Variants in RNF217 observed in about 807,000 individuals in gnomAD.
The protein encoded by RNF217 is E3 ubiquitin-protein ligase RNF217.
In RNF217, 31 loss-of-function variants were observed where a neutral mutation model predicts 57.8. That is an observed-to-expected ratio of 0.54 (90% CI 0.40 to 0.72). The LOEUF is 0.72. Ranked by LOEUF, RNF217 falls within the 30% of genes least tolerant of loss-of-function variation. The pLI is 0.00. For synonymous variants in RNF217, 313 were observed against 294.0 expected (o/e 1.06, Z -0.66); for missense variants, 696 against 708.3 (o/e 0.98, Z 0.20).
chr6:124,989,725 C>T lies in RNF217; in HGVS notation c.882+26299C>T, dbSNP rs986091673. ...AGAAAGGTAGAAATCATTCACAGGT[C>T]GTAGGCTGTACCAAACAGGCAGCAG... is the stretch of plus-strand genomic sequence containing the variant. On this transcript the variant is annotated intron_variant, in intron 1 of 5. Transcript: ENST00000521654. Among the ~76,000 whole-genome samples the T allele has an allele frequency of 3.3e-5, 5 of 152,010 alleles. No homozygotes were observed. In the East Asian group the frequency reaches 5.8e-4, roughly 18 times the overall value.
At chr6:125,051,250 C>T (rs1053385438) in intron 2 of RNF217, among the ~76,000 whole-genome samples, 8 of 151,860 alleles carry the variant, frequency 5.3e-5, no homozygotes, top group Non-Finnish European at 1.2e-4. Context: ...TTGACCTGCA[C>T]TGGTACTAAG....
chr6:125,079,170 AAGG>A (rs1286557403), intron 4 of RNF217, among the ~76,000 whole-genome samples: 2 of 152,148 alleles, frequency 1.3e-5, no homozygotes, highest in Non-Finnish European at 2.9e-5. Flanking sequence ...ATAAATTATA[AAGG>A]AGAAGAGAGA....
At chr6:125,047,288 G>A (rs1475920701) in intron 2 of RNF217, among the ~76,000 whole-genome samples, 3 of 152,002 alleles carry the variant, frequency 2.0e-5, no homozygotes, top group Non-Finnish European at 4.4e-5. Flanking sequence ...TTTATGAAAT[G>A]GGTAAAGGAG....
chr6:125,053,299 T>C (rs1313253549), intron 2 of RNF217, among the ~76,000 whole-genome samples: 1 of 152,104 alleles, frequency 6.6e-6, no homozygotes, highest in Non-Finnish European at 1.5e-5. Flanking sequence ...TTTTCATTTT[T>C]TTCTGCCTAC....
intron 1 of RNF217, among the ~76,000 whole-genome samples, chr6:125,014,057 G>A (rs1195953371): frequency 1.3e-5 from 2 of 152,132 alleles, no homozygotes; most frequent in Non-Finnish European, 2.9e-5. Context: ...ACTGACTCTG[G>A]ATTTCATTCA....
rs372748228 is a variant in RNF217, at chr6:125,086,368, G to A, written c.*3431G>A. The A allele has an allele frequency of 3.9e-3, 594 of 151,976 alleles. 4 individuals carry two copies. The highest frequency in any genetic ancestry group is 0.014 in the African/African-American group (567 of 41,450). 9.4% of individuals were successfully genotyped at this position (151,976 alleles called of 1,614,324 possible). ...GTGTGTCAGATAATGTGAGAGAGAT[G>A]AATTGACTTTTGGATTGCCTCATTT... On this transcript the variant is annotated 3_prime_UTR_variant, in exon 6 of 6. Coordinates refer to ENST00000521654, the MANE Select transcript of RNF217 (RefSeq NM_001286398.3).
At chr6:125,060,737 G>A (rs1430702450) in intron 3 of RNF217, among the ~76,000 whole-genome samples, 6 of 151,994 alleles carry the variant, frequency 3.9e-5, no homozygotes, top group South Asian at 4.1e-4. Context: ...GAGCCACCAC[G>A]CCAAACCATA....
rs114525335 is a variant in RNF217 at position 125,004,864 on chromosome 6, G to A, written c.883-40347G>A. Among the ~76,000 whole-genome samples the A allele has an allele frequency of 5.3e-4, 80 of 152,264 alleles. 2 individuals carry two copies. The highest frequency in any genetic ancestry group is 1.8e-3 in the African/African-American group (74 of 41,574). ...AATAAAGGCACTTTCTAAAGGCCTT[G>A]TCTTAGTCCATTTTTTGCTGCTATA... is the stretch of plus-strand genomic sequence containing the variant. On this transcript the variant is annotated intron_variant, in intron 1 of 5. Transcript: ENST00000521654.
At chr6:125,066,844 A>T (rs1220672655) in intron 3 of RNF217, among the ~76,000 whole-genome samples, 3 of 152,200 alleles carry the variant, frequency 2.0e-5, no homozygotes, top group Non-Finnish European at 4.4e-5. Flanking sequence ...AAATGAATAT[A>T]CTTTTTCATT....
chr6:125,074,392 G>T (rs1303562859), intron 3 of RNF217, among the ~76,000 whole-genome samples: 1 of 152,082 alleles, frequency 6.6e-6, no homozygotes, highest in Non-Finnish European at 1.5e-5. Flanking sequence ...TATCTTTTAA[G>T]TGACATTTTT....
intron 1 of RNF217, among the ~76,000 whole-genome samples, chr6:125,036,232 C>T (rs1786609677): frequency 6.6e-6 from 1 of 152,066 alleles, no homozygotes; most frequent in African/African-American, 2.4e-5. Context: ...CAGCTTCATC[C>T]ATGTCCCTGC....
At chr6:125,070,078 C>G (rs972215919) in intron 3 of RNF217, among the ~76,000 whole-genome samples, 3 of 152,176 alleles carry the variant, frequency 2.0e-5, no homozygotes, top group Non-Finnish European at 2.9e-5. Flanking sequence ...TAGCTTAGCT[C>G]CCACTTATAA....
chr6:124,997,418 A>G (rs77274874), intron 1 of RNF217, among the ~76,000 whole-genome samples: 1,700 of 151,732 alleles, frequency 0.011, 30 homozygotes, highest in African/African-American at 0.039. Context: ...ACTTAACCAT[A>G]TGCGAAAGTG....
intron 1 of RNF217, among the ~76,000 whole-genome samples, chr6:125,018,036 T>A: frequency 6.6e-6 from 1 of 152,218 alleles, no homozygotes; most frequent in Non-Finnish European, 1.5e-5. Flanking sequence ...GTGTAACAAC[T>A]ATCCATTTCT....
intron 1 of RNF217, among the ~76,000 whole-genome samples, chr6:124,987,002 A>C (rs1784386899): frequency 1.3e-5 from 2 of 152,302 alleles, no homozygotes; most frequent in Middle Eastern, 3.4e-3. Flanking sequence ...TTTCATATTT[A>C]AAACATCTTT....
chr6:125,031,393 C>T (rs1277600418), intron 1 of RNF217, among the ~76,000 whole-genome samples: 1 of 152,176 alleles, frequency 6.6e-6, no homozygotes, highest in East Asian at 1.9e-4. Flanking sequence ...TGTCAGGCTT[C>T]AAATTTTCCA....
At chr6:125,022,020 C>G (rs974062210) in intron 1 of RNF217, among the ~76,000 whole-genome samples, 8 of 152,000 alleles carry the variant, frequency 5.3e-5, no homozygotes, top group Non-Finnish European at 7.4e-5. Context: ...TAGCTGGGAT[C>G]ACAAGCATGC....
At chr6:125,052,113 C>T (rs1787340470) in intron 2 of RNF217, among the ~76,000 whole-genome samples, 1 of 151,780 alleles carries the variant, frequency 6.6e-6, no homozygotes, top group African/African-American at 2.4e-5. Flanking sequence ...ACATGCTGTC[C>T]AAGAAAAGTA....
intron 1 of RNF217, among the ~76,000 whole-genome samples, chr6:124,967,121 A>G (rs1403046896): frequency 1.3e-5 from 2 of 152,178 alleles, no homozygotes; most frequent in African/African-American, 4.8e-5. Flanking sequence ...TATTCATATT[A>G]TATTGCTCGT....
Sources: allele counts gnomAD v4.1 joint callset (sites outside exome capture counted in the v4.1 genomes callset), GRCh38; gene constraint gnomAD v4.1.1; transcripts MANE v1.5; gene names NCBI Gene and HGNC (gene_info 2026-07-23, HGNC 2026-07-21).